Variants in RDH13 observed in about 807,000 individuals in gnomAD.
RDH13 encodes the protein retinol dehydrogenase 13.
Under a neutral mutation model 28.3 loss-of-function variants are expected in RDH13, and 35 were observed. The observed-to-expected ratio is 1.24, with a 90% CI of 0.95 to 1.64. RDH13 has a LOEUF of 1.64. RDH13 is among the 40% of genes most tolerant of loss of function. The pLI is 0.00. For synonymous variants in RDH13, 229 were observed against 198.5 expected (o/e 1.15, Z -1.29); for missense variants, 514 against 446.3 (o/e 1.15, Z -1.37).
intron 3 of RDH13, among the ~76,000 whole-genome samples, chr19:55,051,774 C>T (rs1189481952): frequency 3.3e-5 from 5 of 151,276 alleles, no homozygotes; most frequent in Non-Finnish European, 1.5e-5. Context: ...ACTCAGTGGC[C>T]CAGGCTGGAG....
chr19:55,068,362 C>G (rs2147097948), intron 1 of RDH13: 1 of 152,202 alleles, frequency 6.6e-6, no homozygotes, highest in South Asian at 2.1e-4. Flanking sequence ...ATGGTGAAAC[C>G]CTGTCTCTAC....
chr19:55,065,743 A>T (rs181507081), upstream of RDH13, among the ~76,000 whole-genome samples: 1 of 151,724 alleles, frequency 6.6e-6, no homozygotes, highest in African/African-American at 2.4e-5. Context: ...CCTGTTTGAG[A>T]GTCTCTCTCC....
chr19:55,045,268 C>T lies in RDH13; in HGVS notation c.802G>A (p.Ala268Thr), dbSNP rs557873351. The T allele has an allele frequency of 5.0e-5, 81 of 1,613,052 alleles. 2 individuals carry two copies. The South Asian group carries it at 8.5e-4, about 17-fold the overall frequency. The change falls in exon 7 of 7, where the codon GCC (alanine) becomes ACC (threonine). Residue 268 changes from alanine (A) to threonine (T), a missense_variant. By Grantham distance (58) the Ala-to-Thr change is moderately conservative (BLOSUM62 0). Transcript: ENST00000415061. The stretch of plus-strand genomic sequence containing the variant: ...ACGGCCAGGTATGTGCTGGGCTGGG[C>T]GGCCAGCTCGGGGCTCTTGACCAGC... The part of the protein sequence containing the change: ...WLLVKSPELA[A>T]QPSTYLAVAE...
intron 3 of RDH13, among the ~76,000 whole-genome samples, chr19:55,049,650 G>A (rs1469812952): frequency 1.3e-5 from 2 of 152,082 alleles, no homozygotes; most frequent in South Asian, 2.1e-4. Context: ...TTAGCCAGGC[G>A]TGGTGGCATG....
intron 3 of RDH13, among the ~76,000 whole-genome samples, chr19:55,048,981 A>G (rs2075337813): frequency 6.6e-6 from 1 of 152,126 alleles, no homozygotes; most frequent in Non-Finnish European, 1.5e-5. Flanking sequence ...ACAGAGACAC[A>G]TGGGGAGAAG....
At chr19:55,058,734 G>A (rs1173523003) in intron 2 of RDH13, among the ~76,000 whole-genome samples, 1 of 152,240 alleles carries the variant, frequency 6.6e-6, no homozygotes. Flanking sequence ...AGGCTGGAGT[G>A]CCGTGGCGCC....
At chr19:55,059,341 A>C (rs2075739674) in intron 1 of RDH13, 66 bp from the exon 2 acceptor site, 1 of 1,069,548 alleles carries the variant, frequency 9.3e-7, no homozygotes, top group South Asian at 1.4e-5. Flanking sequence ...CCCTGACTGA[A>C]TGATCTCAGG....
chr19:55,059,983 G>A (rs1050736502), intron 1 of RDH13, among the ~76,000 whole-genome samples: 2 of 152,176 alleles, frequency 1.3e-5, no homozygotes, highest in African/African-American at 4.8e-5. Flanking sequence ...TAAACCAGGG[G>A]CACGATGCAC....
At position 55,063,091 on chromosome 19, in the gene RDH13, G is replaced by T. The variant is rs1052996075; in HGVS notation, c.-59C>A. ...TCGGCGCGGAGCTTGCTGCACACCA[G>T]CCGCCTGGGTAGCTCCGAGGAAGAG... On this transcript the variant is annotated 5_prime_UTR_variant, in exon 1 of 7. It adds an upstream start codon to the 5' untranslated region. Coordinates refer to ENST00000415061, the MANE Select transcript of RDH13 (RefSeq NM_001145971.2). The T allele has an allele frequency of 2.4e-6, 3 of 1,262,444 alleles. No individual in the cohort carries two copies. The African/African-American group carries it at 4.7e-5, about 20-fold the overall frequency. 78.2% of individuals were successfully genotyped at this position (1,262,444 alleles called of 1,614,324 possible). A position where few individuals can be genotyped will look rare whatever the true frequency, so the allele number is the denominator to read the frequency against.
chr19:55,047,142 C>T, intron 6 of RDH13: 2 of 1,401,870 alleles, frequency 1.4e-6, no homozygotes, highest in South Asian at 1.6e-5. Context: ...AGCTCCACGG[C>T]CTCTTCCTCT....
intron 1 of RDH13, among the ~76,000 whole-genome samples, chr19:55,060,059 A>G (rs549672807): frequency 1.3e-5 from 2 of 149,292 alleles, no homozygotes; most frequent in African/African-American, 2.6e-5. Flanking sequence ...TCCCCGTGGG[A>G]TAGTCTGAAA....
At chr19:55,062,525 T>C (rs2075838383) in intron 1 of RDH13, among the ~76,000 whole-genome samples, 2 of 151,526 alleles carry the variant, frequency 1.3e-5, no homozygotes, top group African/African-American at 2.4e-5. Context: ...CTGCGAAAAA[T>C]ACAAAAATTA....
chr19:55,059,649 G>A (rs979030701), intron 1 of RDH13, among the ~76,000 whole-genome samples: 11 of 152,158 alleles, frequency 7.2e-5, no homozygotes, highest in South Asian at 2.1e-4. Context: ...CAAACATGGC[G>A]AGACCCCGTC....
intron 3 of RDH13, among the ~76,000 whole-genome samples, chr19:55,050,175 G>A (rs569441177): frequency 1.3e-3 from 203 of 151,238 alleles, no homozygotes; most frequent in African/African-American, 4.7e-3. Flanking sequence ...GGAGTGCAAT[G>A]GTGCGATCTT....
At chr19:55,055,860 CTAAT>C (rs1268845244) in intron 3 of RDH13, among the ~76,000 whole-genome samples, 1 of 148,374 alleles carries the variant, frequency 6.7e-6, no homozygotes, top group Non-Finnish European at 1.5e-5. Context: ...CTCAAACAAA[CTAAT>C]TATTCAGGTA....
Position 55,048,468 on chromosome 19 carries a change from C to T in RDH13, c.519G>A (p.Ser173=), listed in dbSNP as rs756169241. The T allele has an allele frequency of 3.1e-6, 5 of 1,614,100 alleles. No individual in the cohort carries two copies. The highest frequency in any genetic ancestry group is 2.2e-5 in the South Asian group (2 of 91,092). Residue 173 remains serine (S), a synonymous_variant, in exon 5 of 7, where the codon TCG becomes TCA. Transcript: ENST00000415061. ...TGTGCCCAGCAACATGGGCCAGGGA[C>T]GAGAGGTTGATGATCCGCGAAGGGG... is the stretch of plus-strand genomic sequence containing the variant. ...ASAPSRIINL[S]SLAHVAGHID... is the part of the protein sequence containing the mutation.
chr19:55,047,733 G>A (rs917656948), intron 5 of RDH13, among the ~76,000 whole-genome samples: 7 of 152,148 alleles, frequency 4.6e-5, no homozygotes, highest in African/African-American at 1.7e-4. Flanking sequence ...AGCTTACCCC[G>A]GGAGCCTGCA....
intron 2 of RDH13, among the ~76,000 whole-genome samples, chr19:55,057,308 T>G (rs1319857275): frequency 6.6e-6 from 1 of 152,128 alleles, no homozygotes; most frequent in African/African-American, 2.4e-5. Context: ...GTTCTAAGAT[T>G]GATTTTAAAG....
intron 3 of RDH13, among the ~76,000 whole-genome samples, chr19:55,054,580 C>T (rs1027210445): frequency 6.6e-6 from 1 of 151,814 alleles, no homozygotes; most frequent in Admixed American, 6.6e-5. Context: ...AGCAAGACTC[C>T]ATCTCAAAAA....
Sources: gnomAD v4.1 joint callset for allele counts (sites outside exome capture counted in the v4.1 genomes callset) on GRCh38, gnomAD v4.1.1 for gene constraint, MANE v1.5 for transcripts, NCBI Gene and HGNC (gene_info 2026-07-23, HGNC 2026-07-21) for gene names.